SYNDIG1: variants seen among roughly 807,000 people sequenced by gnomAD.
SYNDIG1 encodes the protein synapse differentiation-inducing gene protein 1.
A neutral mutation model predicts 19.4 loss-of-function variants in SYNDIG1; 9 were observed. The observed-to-expected ratio is 0.46, with a 90% CI of 0.28 to 0.81. SYNDIG1 has a LOEUF of 0.81. Ranked by LOEUF, SYNDIG1 falls within the 30% of genes least tolerant of loss-of-function variation. The probability of loss-of-function intolerance (pLI) is 0.12; values close to 1 mark genes in which losing one functional copy is unlikely to be tolerated. For missense variants in SYNDIG1, 311 were observed against 343.3 expected, an observed-to-expected ratio of 0.91 and a Z score of 0.74; for synonymous variants, 141 against 145.9, an observed-to-expected ratio of 0.97 and a Z score of 0.24.
chr20:24,644,719 C>T (rs569882519), intron 3 of SYNDIG1, among the ~76,000 whole-genome samples: 1 of 152,354 alleles, frequency 6.6e-6, no homozygotes, highest in Admixed American at 6.5e-5. Flanking sequence ...AGAGAAGTTA[C>T]ATTGGACCTC....
chr20:24,598,399 C>A (rs73345325), intron 3 of SYNDIG1, among the ~76,000 whole-genome samples: 1,639 of 152,300 alleles, frequency 0.011, 36 homozygotes, highest in African/African-American at 0.037. Flanking sequence ...TTCAGATATA[C>A]CCAGAGCCAC....
chr20:24,492,567 C>T (rs919551131), intron 1 of SYNDIG1, among the ~76,000 whole-genome samples: 2 of 152,204 alleles, frequency 1.3e-5, no homozygotes, highest in African/African-American at 4.8e-5. Context: ...CCCCACCTAG[C>T]CCTGAGGTGG....
chr20:24,498,848 G>A (rs186434140), intron 1 of SYNDIG1, among the ~76,000 whole-genome samples: 3 of 152,216 alleles, frequency 2.0e-5, no homozygotes, highest in Admixed American at 1.3e-4. Flanking sequence ...CCATGCCTTG[G>A]CTGTTATGAA....
intron 1 of SYNDIG1, among the ~76,000 whole-genome samples, chr20:24,528,258 A>T (rs1434487608): frequency 3.9e-5 from 6 of 152,204 alleles, no homozygotes; most frequent in Non-Finnish European, 8.8e-5. Context: ...TTTGTAAAGT[A>T]TCCTAAGTAT....
intron 3 of SYNDIG1, among the ~76,000 whole-genome samples, chr20:24,638,830 G>A (rs1332057772): frequency 1.3e-5 from 2 of 152,262 alleles, no homozygotes; most frequent in Non-Finnish European, 2.9e-5. Context: ...TTGGGCTTGT[G>A]ATGGCTTCTG....
intron 3 of SYNDIG1, among the ~76,000 whole-genome samples, chr20:24,590,836 C>T (rs2058498137): frequency 6.6e-6 from 1 of 152,026 alleles, no homozygotes; most frequent in Non-Finnish European, 1.5e-5. Flanking sequence ...GATGAGGGGC[C>T]CGTGGGAGCA....
intron 3 of SYNDIG1, among the ~76,000 whole-genome samples, chr20:24,585,825 G>T (rs1600688017): frequency 6.6e-6 from 1 of 152,202 alleles, no homozygotes; most frequent in East Asian, 1.9e-4. Context: ...CCAGGGTCGG[G>T]GTGGTGCTGC....
intron 1 of SYNDIG1, among the ~76,000 whole-genome samples, chr20:24,524,615 C>T (rs2057078848): frequency 6.6e-6 from 1 of 150,944 alleles, no homozygotes; most frequent in South Asian, 2.1e-4. Flanking sequence ...CACTGCACTC[C>T]AGCCTGGGCG....
chr20:24,516,473 G>A (rs905616606), intron 1 of SYNDIG1, among the ~76,000 whole-genome samples: 3 of 151,718 alleles, frequency 2.0e-5, no homozygotes, highest in Non-Finnish European at 2.9e-5. Context: ...ACAAATTTAC[G>A]AGAAAAAAAC....
At chr20:24,657,407 C>T (rs1177034152) in intron 3 of SYNDIG1, among the ~76,000 whole-genome samples, 1 of 152,162 alleles carries the variant, frequency 6.6e-6, no homozygotes, top group African/African-American at 2.4e-5. Context: ...TGTAGTGATT[C>T]AGACCAGCAG....
chr20:24,606,207 G>T (rs988098577), intron 3 of SYNDIG1, among the ~76,000 whole-genome samples: 1 of 152,220 alleles, frequency 6.6e-6, no homozygotes, highest in South Asian at 2.1e-4. Flanking sequence ...ACAGGCATGT[G>T]GGCAGTCAGT....
intron 3 of SYNDIG1, among the ~76,000 whole-genome samples, chr20:24,630,337 T>C (rs1600793993): frequency 6.6e-6 from 1 of 151,958 alleles, no homozygotes; most frequent in Non-Finnish European, 1.5e-5. Context: ...GATGTGAGGG[T>C]GAAATGCCCC....
intron 3 of SYNDIG1, among the ~76,000 whole-genome samples, chr20:24,663,366 A>T (rs1038110206): frequency 7.2e-5 from 11 of 152,226 alleles, no homozygotes; most frequent in Non-Finnish European, 1.3e-4. Context: ...GTGATTCTCA[A>T]GCAGACACAC....
At chr20:24,622,819 G>A (rs779688819) in intron 3 of SYNDIG1, among the ~76,000 whole-genome samples, 4 of 152,124 alleles carry the variant, frequency 2.6e-5, no homozygotes, top group Admixed American at 6.5e-5. Flanking sequence ...TCCAATATTA[G>A]TCATAGACAC....
chr20:24,615,152 A>G (rs1286562146), intron 3 of SYNDIG1, among the ~76,000 whole-genome samples: 1 of 152,172 alleles, frequency 6.6e-6, no homozygotes, highest in African/African-American at 2.4e-5. Flanking sequence ...TTGAACATCG[A>G]TGTAATTGGT....
intron 3 of SYNDIG1, among the ~76,000 whole-genome samples, chr20:24,622,233 T>G (rs2059050666): frequency 6.6e-6 from 1 of 152,214 alleles, no homozygotes; most frequent in African/African-American, 2.4e-5. Flanking sequence ...ATGAATAATT[T>G]TTTATTGGGC....
At chr20:24,489,272 G>T (rs1376683675) in intron 1 of SYNDIG1, among the ~76,000 whole-genome samples, 1 of 147,936 alleles carries the variant, frequency 6.8e-6, no homozygotes, top group African/African-American at 2.5e-5. Flanking sequence ...ATGCACACAC[G>T]TGCTCACAGG....
chr20:24,507,404 T>C (rs2056619562), intron 1 of SYNDIG1, among the ~76,000 whole-genome samples: 1 of 152,214 alleles, frequency 6.6e-6, no homozygotes, highest in Non-Finnish European at 1.5e-5. Context: ...TAAATAAGAC[T>C]CAATACCAAT....
chr20:24,533,988 G>A (rs974066321), intron 1 of SYNDIG1, among the ~76,000 whole-genome samples: 3 of 152,138 alleles, frequency 2.0e-5, no homozygotes, highest in African/African-American at 4.8e-5. Context: ...TCAGCTTCTG[G>A]TGAGGCCTCA....
Sources: allele counts gnomAD v4.1 joint callset (sites outside exome capture counted in the v4.1 genomes callset), GRCh38; gene constraint gnomAD v4.1.1; transcripts MANE v1.5; gene names NCBI Gene and HGNC (gene_info 2026-07-23, HGNC 2026-07-21).